DHX29: variants seen among roughly 807,000 people sequenced by gnomAD.
The protein encoded by DHX29 is ATP-dependent RNA helicase DHX29.
Under a neutral mutation model 167.9 loss-of-function variants are expected in DHX29, and 79 were observed. The ratio of observed to expected loss-of-function variants is 0.47; its 90% CI spans 0.39 to 0.57. The LOEUF (loss-of-function observed/expected upper bound fraction) is 0.57, where lower values mean the gene tolerates loss of function less well. Among genes scored for constraint, DHX29 ranks in the 20% least tolerant of loss-of-function variants. The pLI is 0.00. For synonymous variants in DHX29, 530 were observed against 546.0 expected (o/e 0.97, Z 0.41); for missense variants, 1,347 against 1,593.4 (o/e 0.85, Z 2.63).
intron 4 of DHX29, among the ~76,000 whole-genome samples, 184 bp downstream of exon 4, chr5:55,296,036 A>G (rs992735059): frequency 2.6e-5 from 4 of 152,226 alleles, no homozygotes; most frequent in African/African-American, 9.6e-5. Flanking sequence ...ACAAAACATA[A>G]TATTTTCTTG....
In DHX29 at chr5:55,272,044, T is replaced by C. The variant is rs1283969610; in HGVS notation, c.2864+43A>G. ...CCAAGAATTCAAGAGCCCCAACCTCTTTCCAGGTTAAAAATGTTTTGATTT... is the reference window on the plus strand; with the variant it reads ...CCAAGAATTCAAGAGCCCCAACCTCCTTCCAGGTTAAAAATGTTTTGATTT... On this transcript the variant is annotated intron_variant, in intron 18 of 26. Transcript: ENST00000251636. 2.5e-6 allele frequency: 3 copies of C among 1,211,936 alleles called. No individual in the cohort carries two copies. In the Admixed American group the frequency reaches 7.0e-5, roughly 28 times the overall value. 75.1% of individuals were successfully genotyped at this position (1,211,936 alleles called of 1,614,324 possible). A position where few individuals can be genotyped will look rare whatever the true frequency, so the allele number is the denominator to read the frequency against.
intron 21 of DHX29, among the ~76,000 whole-genome samples, chr5:55,268,888 C>T (rs1746711582): frequency 6.6e-6 from 1 of 152,146 alleles, no homozygotes; most frequent in African/African-American, 2.4e-5. Context: ...GAATCATCCA[C>T]TACATATTCC....
At chr5:55,298,862 C>T (rs935511017) in intron 1 of DHX29, among the ~76,000 whole-genome samples, 198 bp from the exon 2 acceptor site, 1 of 150,590 alleles carries the variant, frequency 6.6e-6, no homozygotes, top group Admixed American at 6.6e-5. Context: ...AACCCCGTCT[C>T]TACTAAAAAT....
chr5:55,257,677 T>G (rs866683377), intron 26 of DHX29, among the ~76,000 whole-genome samples: 5 of 152,310 alleles, frequency 3.3e-5, no homozygotes, highest in Middle Eastern at 6.8e-3. Flanking sequence ...ATGTTTGGCA[T>G]TCTACCAACT....
At chr5:55,267,106 A>G (rs756863586) in intron 23 of DHX29, 32 bp downstream of exon 23, 10 of 1,401,986 alleles carry the variant, frequency 7.1e-6, no homozygotes, top group Non-Finnish European at 1.0e-5. Flanking sequence ...GTTACCCATG[A>G]CTCTGAGTGA....
intron 21 of DHX29, among the ~76,000 whole-genome samples, chr5:55,268,213 A>G (rs1746678348): frequency 6.6e-6 from 1 of 152,234 alleles, no homozygotes; most frequent in Admixed American, 6.5e-5. Flanking sequence ...CTTGGCCTCA[A>G]GACCACTGAA....
intron 18 of DHX29, among the ~76,000 whole-genome samples, chr5:55,271,588 A>G (rs565037497): frequency 1.1e-4 from 16 of 152,356 alleles, no homozygotes; most frequent in African/African-American, 3.8e-4. Context: ...AGACTGTGCC[A>G]CTGCACTCTA....
chr5:55,286,395 G>A (rs1747732470), intron 8 of DHX29, among the ~76,000 whole-genome samples: 1 of 152,152 alleles, frequency 6.6e-6, no homozygotes, highest in African/African-American at 2.4e-5. Context: ...AGGAACTTAT[G>A]TATTCTTGTA....
At chr5:55,304,412 C>A (rs1409009240) in intron 1 of DHX29, among the ~76,000 whole-genome samples, 1 of 150,806 alleles carries the variant, frequency 6.6e-6, no homozygotes, top group Non-Finnish European at 1.5e-5. Flanking sequence ...CCCGGGTTCA[C>A]GCCATTCTCC....
chr5:55,283,361 T>C lies in DHX29; in HGVS notation c.1807A>G (p.Thr603Ala). 1 of 1,614,160 alleles carries C rather than the reference T, an allele frequency of 6.2e-7. No individual in the cohort carries two copies. The highest frequency in any genetic ancestry group is 1.1e-5 in the South Asian group (1 of 91,080). The change falls in exon 11 of 27, where the codon ACT becomes GCT. Residue 603 changes from threonine to alanine, a missense_variant. Around this residue, in one of 3 missense-constraint regions of DHX29, gnomAD observed 882 missense variants for 1,082.4 expected, o/e 0.81. Transcript: ENST00000251636. ...TCCAATAGAAAATGTGGTACCTGAGTACTTTTACCACTCCCTGTTTCACCT... is the reference window on the plus strand; with the variant it reads ...TCCAATAGAAAATGTGGTACCTGAGCACTTTTACCACTCCCTGTTTCACCT... ...VAGETGSGKS[T>A]QVPHFLLEDL...
chr5:55,258,960 G>C (rs1040464159), intron 26 of DHX29, among the ~76,000 whole-genome samples: 1 of 152,112 alleles, frequency 6.6e-6, no homozygotes, highest in African/African-American at 2.4e-5. Context: ...AAACCTAACA[G>C]AAAGTCCCTA....
At position 55,297,249 on chromosome 5, in the gene DHX29, C is replaced by T. The variant is rs757493788; in HGVS notation, c.375+36G>A. 8 of 1,012,078 alleles carry T rather than the reference C, an allele frequency of 7.9e-6. No individual in the cohort carries two copies. The East Asian group carries it at 1.2e-4, about 15-fold the overall frequency. The allele number at this position is 1,012,078 out of a possible 1,614,324, so 62.7% of individuals were successfully genotyped here. A position where few individuals can be genotyped will look rare whatever the true frequency, so the allele number is the denominator to read the frequency against. ...TGAGGAGCTGTCTAAAAATGCTTCA[C>T]TAAAACTAAGGAACTTTAAAAAGTT... is the stretch of plus-strand genomic sequence containing the variant. On this transcript the variant is annotated intron_variant, in intron 3 of 26. Coordinates refer to ENST00000251636, the MANE Select transcript of DHX29 (RefSeq NM_019030.4).
At chr5:55,280,809 T>C (rs1025039251) in intron 12 of DHX29, among the ~76,000 whole-genome samples, 1 of 152,168 alleles carries the variant, frequency 6.6e-6, no homozygotes. Flanking sequence ...CCCTAGATTA[T>C]CGTTCCCCTT....
chr5:55,289,996 C>T (rs1005261097), intron 7 of DHX29, among the ~76,000 whole-genome samples: 1 of 152,142 alleles, frequency 6.6e-6, no homozygotes, highest in African/African-American at 2.4e-5. Flanking sequence ...TGGTCTATGG[C>T]TGCTTTTGTG....
At chr5:55,285,493 T>C in intron 9 of DHX29, 77 bp from the exon 10 acceptor site, 1 of 1,405,332 alleles carries the variant, frequency 7.1e-7, no homozygotes, top group Non-Finnish European at 9.7e-7. Flanking sequence ...TCCATTAACA[T>C]TAAACTCAAG....
At position 55,277,175 on chromosome 5, in the gene DHX29, G is replaced by C; in HGVS notation, c.2217C>G (p.Ser739Arg). The C allele has an allele frequency of 6.2e-7, 1 of 1,612,208 alleles. No individual in the cohort carries two copies. The highest frequency in any genetic ancestry group is 8.5e-7 in the Non-Finnish European group (1 of 1,178,702). Reference protein sequence around the residue: ...HLILMSATVDSEKFSTYFTHC... With the variant: ...HLILMSATVDREKFSTYFTHC... Reference sequence around the variant, plus strand: ...GTGTGAAATATGTAGAAAATTTTTCGCTGTCCACAGTGGCACTCATTAGAA... The same window carrying C: ...GTGTGAAATATGTAGAAAATTTTTCCCTGTCCACAGTGGCACTCATTAGAA... Residue 739 changes from serine to arginine, a missense_variant, in exon 13 of 27, where the codon AGC (serine) becomes AGG (arginine). Ser to Arg is a moderately radical substitution (Grantham distance 110). Coordinates refer to ENST00000251636, the MANE Select transcript of DHX29 (RefSeq NM_019030.4).
At chr5:55,289,248 G>A (rs1747906353) in intron 8 of DHX29, 22 bp downstream of exon 8, 2 of 1,516,026 alleles carry the variant, frequency 1.3e-6, no homozygotes, top group Non-Finnish European at 1.8e-6. Flanking sequence ...ATTACACCCT[G>A]ACCATCTTCC....
chr5:55,265,094 G>GAAAAAAAAAAAAAAAAAAAAAAAAAA (rs11336502), intron 23 of DHX29, among the ~76,000 whole-genome samples: 2 of 136,460 alleles, frequency 1.5e-5, no homozygotes, highest in Non-Finnish European at 1.6e-5. Flanking sequence ...AAAGAAAAAA[G>GAAAAAAAAAAAAAAAAAAAAAAAAAA]AAAAAAAAAA....
Position 55,307,532 on chromosome 5 carries a change from C to T in DHX29, c.42G>A (p.Ala14=). The change falls in exon 1 of 27, where the codon GCG becomes GCA. Residue 14 remains alanine (A), a synonymous_variant. Coordinates refer to ENST00000251636, the MANE Select transcript of DHX29 (RefSeq NM_019030.4). ...AAGCAGACACGGCGGCCCGGACCAC[C>T]GCGGCCGCTGGAGCCTTGTGTTTCT... ...KNKKHKAPAA[A]VVRAAVSASR... The T allele has an allele frequency of 6.2e-7, 1 of 1,613,534 alleles. No homozygotes were observed. Among genetic ancestry groups the T allele is most frequent in the East Asian group, 2.2e-5 (1 of 44,876 alleles).
Sources: allele counts gnomAD v4.1 joint callset (sites outside exome capture counted in the v4.1 genomes callset), GRCh38; gene constraint gnomAD v4.1.1; regional missense constraint gnomAD v4.1.1; transcripts MANE v1.5; gene names NCBI Gene and HGNC (gene_info 2026-07-23, HGNC 2026-07-21).